FOXJ3: variants seen among roughly 807,000 people sequenced by gnomAD.
The protein encoded by FOXJ3 is forkhead box J3.
FOXJ3 carries 22 observed loss-of-function variants against 76.1 expected under a neutral mutation model. That is an observed-to-expected ratio of 0.29 (90% CI 0.21 to 0.41). The LOEUF (loss-of-function observed/expected upper bound fraction) is 0.41. FOXJ3 is among the 10% of genes least tolerant of loss of function. FOXJ3 has a pLI of 1.00. For synonymous variants in FOXJ3, 269 were observed against 261.2 expected, an observed-to-expected ratio of 1.03 and a Z score of -0.29; for missense variants, 613 against 762.1, an observed-to-expected ratio of 0.80 and a Z score of 2.30.
Position 42,318,372 on chromosome 1 carries a change from G to A in FOXJ3, c.-17-7262C>T, listed in dbSNP as rs373962876. ...TTTTTTATTTTGGAGATGGAGTTTC[G>A]CTCTTGTCACCCAGACTGGAGTGCA... is the stretch of plus-strand genomic sequence containing the variant. On this transcript the variant is annotated intron_variant, in intron 1 of 12. Coordinates refer to ENST00000361346, the MANE Select transcript of FOXJ3 (RefSeq NM_014947.5). Among the ~76,000 whole-genome samples, 306 of 152,214 alleles carry A rather than the reference G, an allele frequency of 2.0e-3. 2 individuals are homozygous for A. The highest frequency in any genetic ancestry group is 6.8e-3 in the Middle Eastern group (2 of 294).
At chr1:42,294,233 A>G (rs1286142797) in intron 2 of FOXJ3, among the ~76,000 whole-genome samples, 1 of 152,182 alleles carries the variant, frequency 6.6e-6, no homozygotes, top group African/African-American at 2.4e-5. Context: ...CTTTGTCTCA[A>G]ACGCTTTCTG....
chr1:42,284,991 T>G (rs6680752), intron 2 of FOXJ3, among the ~76,000 whole-genome samples: 1,901 of 152,350 alleles, frequency 0.012, 36 homozygotes, highest in African/African-American at 0.043. Flanking sequence ...CTAGATCTTT[T>G]GTTTAATGTG....
At chr1:42,318,503 G>C (rs905126123) in intron 1 of FOXJ3, among the ~76,000 whole-genome samples, 3 of 152,072 alleles carry the variant, frequency 2.0e-5, no homozygotes, top group African/African-American at 7.2e-5. Flanking sequence ...CACCATGTCT[G>C]GCTAATTTTT....
rs114640765 is a variant in FOXJ3, at chr1:42,311,537, T to G, written c.-17-427A>C. On this transcript the variant is annotated intron_variant, in intron 1 of 12. Transcript: ENST00000361346. ...TGCAAGGTTCCAACCCCCAAGTAAG[T>G]GCCCCACCAAATCTATTCTTCCATC... is the stretch of plus-strand genomic sequence containing the variant. Among the ~76,000 whole-genome samples the G allele has an allele frequency of 4.1e-3, 628 of 152,238 alleles. 3 individuals carry two copies. The highest frequency in any genetic ancestry group is 0.014 in the African/African-American group (585 of 41,538).
intron 4 of FOXJ3, among the ~76,000 whole-genome samples, chr1:42,260,990 C>A (rs1371571605): frequency 6.6e-6 from 1 of 152,170 alleles, no homozygotes; most frequent in Non-Finnish European, 1.5e-5. Context: ...GCCCTATAAT[C>A]CTTTAGTTCC....
intron 4 of FOXJ3, among the ~76,000 whole-genome samples, chr1:42,263,929 A>ATTTTTTTTTT (rs1651260737): frequency 9.2e-6 from 1 of 108,658 alleles, no homozygotes; most frequent in African/African-American, 3.4e-5. Context: ...GAGTAGGTTA[A>ATTTTTTTTTT]CTTTTTTTTT....
chr1:42,258,955 A>G (rs1355635156), intron 4 of FOXJ3, among the ~76,000 whole-genome samples: 3 of 152,202 alleles, frequency 2.0e-5, no homozygotes, highest in Non-Finnish European at 4.4e-5. Flanking sequence ...TGTCAAGTCT[A>G]AGCCGAAAAG....
chr1:42,216,517 C>CA (rs750285672), intron 5 of FOXJ3, among the ~76,000 whole-genome samples: 3,154 of 102,164 alleles, frequency 0.031, 45 homozygotes, highest in Middle Eastern at 0.04. Context: ...GACTCCGTCT[C>CA]AAAAAAAAAA....
chr1:42,255,195 C>T (rs756364235), intron 4 of FOXJ3, among the ~76,000 whole-genome samples: 19 of 151,994 alleles, frequency 1.3e-4, no homozygotes, highest in Non-Finnish European at 2.5e-4. Flanking sequence ...TGTAGATAAA[C>T]GAAATTATAC....
intron 4 of FOXJ3, among the ~76,000 whole-genome samples, chr1:42,260,014 A>G (rs1273990721): frequency 6.6e-6 from 1 of 152,210 alleles, no homozygotes; most frequent in Non-Finnish European, 1.5e-5. Flanking sequence ...CGGTCCAACC[A>G]AACTCTTGCT....
intron 1 of FOXJ3, among the ~76,000 whole-genome samples, chr1:42,318,971 C>T (rs1254129687): frequency 6.6e-6 from 1 of 152,128 alleles, no homozygotes; most frequent in Non-Finnish European, 1.5e-5. Flanking sequence ...TAGCTCACAC[C>T]TGTAATCCCA....
At chr1:42,208,333 T>C (rs935381086) in intron 5 of FOXJ3, among the ~76,000 whole-genome samples, 4 of 152,212 alleles carry the variant, frequency 2.6e-5, no homozygotes, top group Non-Finnish European at 4.4e-5. Context: ...AAAAGGATCA[T>C]TCACCATGAT....
At chr1:42,315,165 G>C (rs1346690890) in intron 1 of FOXJ3, among the ~76,000 whole-genome samples, 1 of 152,218 alleles carries the variant, frequency 6.6e-6, no homozygotes, top group African/African-American at 2.4e-5. Flanking sequence ...ATTGGTGGTT[G>C]CCAGGAGATG....
chr1:42,248,896 C>G (rs1403653956), intron 4 of FOXJ3, among the ~76,000 whole-genome samples: 1 of 152,046 alleles, frequency 6.6e-6, no homozygotes, highest in African/African-American at 2.4e-5. Context: ...TGTTTTTCCT[C>G]TCCTTGCTGC....
intron 1 of FOXJ3, among the ~76,000 whole-genome samples, chr1:42,318,246 T>C (rs1220794600): frequency 1.3e-5 from 2 of 152,202 alleles, no homozygotes; most frequent in Non-Finnish European, 2.9e-5. Context: ...AATTTAATAA[T>C]GGGCAAGAAT....
chr1:42,321,729 G>A (rs945847685), intron 1 of FOXJ3, among the ~76,000 whole-genome samples: 1 of 152,056 alleles, frequency 6.6e-6, no homozygotes, highest in East Asian at 1.9e-4. Flanking sequence ...GCGCCACTTT[G>A]GATAACAGTG....
intron 2 of FOXJ3, among the ~76,000 whole-genome samples, chr1:42,305,589 T>C (rs1654407495): frequency 6.6e-6 from 1 of 152,164 alleles, no homozygotes; most frequent in African/African-American, 2.4e-5. Flanking sequence ...TGGGGGTCAT[T>C]ATGCTAAGTG....
chr1:42,313,337 C>CA (rs35058575), intron 1 of FOXJ3, among the ~76,000 whole-genome samples: 1,069 of 93,754 alleles, frequency 0.011, 6 homozygotes, highest in African/African-American at 0.034. Flanking sequence ...AATTCCGTCT[C>CA]AAAAAAAAAA....
At chr1:42,234,849 T>G (rs1203353794) in intron 4 of FOXJ3, among the ~76,000 whole-genome samples, 1 of 152,170 alleles carries the variant, frequency 6.6e-6, no homozygotes, top group African/African-American at 2.4e-5. Flanking sequence ...GTGCCTCCAG[T>G]TAGGCTACAA....
Sources: allele counts gnomAD v4.1 joint callset (sites outside exome capture counted in the v4.1 genomes callset), GRCh38; gene constraint gnomAD v4.1.1; transcripts MANE v1.5; gene names NCBI Gene and HGNC (gene_info 2026-07-23, HGNC 2026-07-21).